DOCK10: variants seen among roughly 807,000 people sequenced by gnomAD.
DOCK10 encodes the protein dedicator of cytokinesis protein 10.
Under a neutral mutation model 280.1 loss-of-function variants are expected in DOCK10, and 145 were observed. The ratio of observed to expected loss-of-function variants is 0.52; its 90% confidence interval spans 0.45 to 0.59. The LOEUF (loss-of-function observed/expected upper bound fraction) is 0.59, where lower values mean the gene tolerates loss of function less well. Among genes scored for constraint, DOCK10 ranks in the 20% least tolerant of loss-of-function variants. The pLI is 0.00. For missense variants in DOCK10, 2,368 were observed against 2,651.7 expected, an observed-to-expected ratio of 0.89 and a Z score of 2.35; for synonymous variants, 915 against 942.2, an observed-to-expected ratio of 0.97 and a Z score of 0.53.
intron 1 of DOCK10, among the ~76,000 whole-genome samples, chr2:225,019,201 C>T (rs921113187): frequency 1.3e-5 from 2 of 152,048 alleles, no homozygotes; most frequent in African/African-American, 2.4e-5. Context: ...GTTCTCTGTG[C>T]GTAGCCCCCC....
At chr2:224,921,879 C>G (rs1404603493) in intron 2 of DOCK10, among the ~76,000 whole-genome samples, 12 of 151,926 alleles carry the variant, frequency 7.9e-5, no homozygotes, top group Non-Finnish European at 1.8e-4. Flanking sequence ...GCGGGTGGAT[C>G]ACCTGAGGTT....
At chr2:224,784,079 G>A (rs888605733) in intron 50 of DOCK10, among the ~76,000 whole-genome samples, 7 of 152,070 alleles carry the variant, frequency 4.6e-5, no homozygotes, top group African/African-American at 1.7e-4. Flanking sequence ...AGGTTATTTT[G>A]GACATGGCTT....
rs780172663 is a variant in DOCK10, at chr2:224,797,878, G to A, written c.4598C>T (p.Thr1533Ile). The change falls in exon 42 of 56, where the codon ACA becomes ATA. Residue 1533 changes from threonine to isoleucine, a missense_variant. Coordinates refer to ENST00000258390, the MANE Select transcript of DOCK10 (RefSeq NM_014689.3). ...GGAGGCAAACACATGCTTCAGCGCT[G>A]TGGCTGACTGATTGACTTGGAAAAA... ...MLFFQVNQSA[T>I]ALKHVFASLR... The A allele has an allele frequency of 1.9e-5, 31 of 1,613,764 alleles. No individual in the cohort carries two copies. Among genetic ancestry groups the A allele is most frequent in the Non-Finnish European group, 2.5e-5 (30 of 1,179,814 alleles).
At chr2:224,898,189 C>T (rs1245612858) in intron 3 of DOCK10, among the ~76,000 whole-genome samples, 8 of 152,122 alleles carry the variant, frequency 5.3e-5, no homozygotes, top group African/African-American at 1.4e-4. Flanking sequence ...ATGTTCCAGG[C>T]AAGAGGCTCG....
At chr2:224,940,950 G>GTATT (rs1490185583) in intron 1 of DOCK10, among the ~76,000 whole-genome samples, 1 of 152,042 alleles carries the variant, frequency 6.6e-6, no homozygotes, top group African/African-American at 2.4e-5. Flanking sequence ...CACATTTACT[G>GTATT]TATTTATTTA....
rs367976528 is a variant in DOCK10 at position 224,789,106 on chromosome 2, C to A, written c.5376G>T (p.Ala1792=). 5.0e-6 allele frequency: 8 copies of A among 1,613,668 alleles called. 1 individual carries two copies. In the East Asian group the frequency reaches 6.7e-5, roughly 13 times the overall value. Reference sequence around the variant, plus strand: ...CTTGCATTCCAGAATCCTCTTTCATCGCTCCTTCTTCCTTAATGTTTGGTG... The same window carrying A: ...CTTGCATTCCAGAATCCTCTTTCATAGCTCCTTCTTCCTTAATGTTTGGTG... The part of the protein sequence containing the change: ...SITPNIKEEG[A]MKEDSGMQDT... The change falls in exon 48 of 56, where the codon GCG becomes GCT. Residue 1792 remains alanine, a synonymous_variant. Transcript: ENST00000258390.
At chr2:224,921,887 G>A (rs1449640172) in intron 2 of DOCK10, among the ~76,000 whole-genome samples, 3 of 151,984 alleles carry the variant, frequency 2.0e-5, no homozygotes, top group Non-Finnish European at 2.9e-5. Context: ...ATCACCTGAG[G>A]TTGGGAGTGT....
rs1690060931 is a variant in DOCK10, at chr2:225,031,058, C to T, written c.123+11194G>A. Among the ~76,000 whole-genome samples the T allele has an allele frequency of 2.0e-5, 3 of 152,140 alleles. No homozygotes were observed. The South Asian group carries it at 6.2e-4, about 32-fold the overall frequency. ...CTACTATGTGCCAAACATCTTGCTG[C>T]CCTGGAAATATGGAGACTATAACCA... On this transcript the variant is annotated intron_variant, in intron 1 of 55. Coordinates refer to ENST00000258390, the MANE Select transcript of DOCK10 (RefSeq NM_014689.3).
At position 225,033,191 on chromosome 2, in the gene DOCK10, A is replaced by ATT. The variant is rs36079936; in HGVS notation, c.123+9059_123+9060dup. On this transcript the variant is annotated intron_variant, in intron 1 of 55. Coordinates refer to ENST00000258390, the MANE Select transcript of DOCK10 (RefSeq NM_014689.3). Reference sequence around the variant, plus strand: ...AAACTTTTAATGATTTGGTACTATTATTTTTTTTTTTGACAGAGTCTCACT... The same window carrying ATT: ...AAACTTTTAATGATTTGGTACTATTATTTTTTTTTTTTTGACAGAGTCTCACT... 3.7e-3 allele frequency among the ~76,000 whole-genome samples: 558 copies of ATT among 149,562 alleles called. 1 individual carries two copies. Among genetic ancestry groups the ATT allele is most frequent in the Non-Finnish European group, 5.7e-3 (381 of 67,248 alleles).
intron 1 of DOCK10, among the ~76,000 whole-genome samples, chr2:225,033,312 A>G (rs536887854): frequency 6.6e-5 from 10 of 152,084 alleles, no homozygotes; most frequent in African/African-American, 9.7e-5. Flanking sequence ...CCTCCCGAGC[A>G]GCTGGGACTA....
At chr2:224,993,387 C>T (rs541895489) in intron 1 of DOCK10, among the ~76,000 whole-genome samples, 1 of 152,234 alleles carries the variant, frequency 6.6e-6, no homozygotes, top group East Asian at 1.9e-4. Context: ...GAGCACTTGA[C>T]ACAGCACCTG....
chr2:224,997,616 G>A (rs1247443447), intron 1 of DOCK10, among the ~76,000 whole-genome samples: 1 of 152,130 alleles, frequency 6.6e-6, no homozygotes, highest in Admixed American at 6.5e-5. Context: ...CCATCCGTGT[G>A]CAACCTGCAA....
At position 224,816,279 on chromosome 2, in the gene DOCK10, A is replaced by T. The variant is rs1694132151; in HGVS notation, c.3364+338T>A. Among the ~76,000 whole-genome samples, 4 of 150,670 alleles carry T rather than the reference A, an allele frequency of 2.7e-5. No individual in the cohort carries two copies. In the South Asian group the frequency reaches 8.3e-4, roughly 31 times the overall value. ...TTCCTCCCTATAATTTTATGTCTCAAAATGAAAGGAAAGCTGTCTTTTGGA... is the reference window on the plus strand; with the variant it reads ...TTCCTCCCTATAATTTTATGTCTCATAATGAAAGGAAAGCTGTCTTTTGGA... On this transcript the variant is annotated intron_variant, in intron 30 of 55. Coordinates refer to ENST00000258390, the MANE Select transcript of DOCK10 (RefSeq NM_014689.3).
intron 8 of DOCK10, among the ~76,000 whole-genome samples, chr2:224,875,224 C>T (rs1175135383): frequency 6.6e-6 from 1 of 152,168 alleles, no homozygotes; most frequent in Non-Finnish European, 1.5e-5. Context: ...CTATGGCATA[C>T]AGTAGTTGTG....
chr2:224,811,865 A>G (rs1574862138), intron 31 of DOCK10, among the ~76,000 whole-genome samples: 1 of 151,986 alleles, frequency 6.6e-6, no homozygotes, highest in East Asian at 1.9e-4. Context: ...TGGTACCAGT[A>G]CCATGCTGTT....
At chr2:224,774,806 G>A in intron 52 of DOCK10, 99 bp downstream of exon 52, 1 of 1,116,446 alleles carries the variant, frequency 9.0e-7, no homozygotes, top group Non-Finnish European at 1.3e-6. Context: ...GTACTTCTCT[G>A]CAGGACTGAA....
intron 3 of DOCK10, among the ~76,000 whole-genome samples, chr2:224,901,513 C>T (rs987458259): frequency 6.6e-6 from 1 of 152,158 alleles, no homozygotes; most frequent in Non-Finnish European, 1.5e-5. Flanking sequence ...GCCATCTCTG[C>T]CTGTATGTGT....
intron 1 of DOCK10, among the ~76,000 whole-genome samples, chr2:225,007,347 A>T (rs1429702943): frequency 6.6e-6 from 1 of 152,200 alleles, no homozygotes; most frequent in Non-Finnish European, 1.5e-5. Context: ...TGCATGCATA[A>T]ATAAAACCTG....
chr2:224,982,691 C>A (rs1385229948), intron 1 of DOCK10, among the ~76,000 whole-genome samples: 2 of 152,216 alleles, frequency 1.3e-5, no homozygotes, highest in Non-Finnish European at 2.9e-5. Flanking sequence ...ATAAATATGT[C>A]TTTCCCATTC....
Sources: gnomAD v4.1 joint callset for allele counts (sites outside exome capture counted in the v4.1 genomes callset) on GRCh38, gnomAD v4.1.1 for gene constraint, MANE v1.5 for transcripts, NCBI Gene and HGNC (gene_info 2026-07-23, HGNC 2026-07-21) for gene names.